The following SCFD2 variants were observed in gnomAD, a reference collection of about 807,000 sequenced individuals.
SCFD2 encodes sec1 family domain-containing protein 2.
SCFD2 carries 54 observed loss-of-function variants against 58.9 expected under a neutral mutation model. The observed-to-expected ratio is 0.92, with a 90% CI of 0.74 to 1.15. The LOEUF (loss-of-function observed/expected upper bound fraction) is 1.15, where lower values mean the gene tolerates loss of function less well. SCFD2 is among the 50% of genes most tolerant of loss of function. SCFD2 has a pLI of 0.00. For missense variants in SCFD2, 805 were observed against 836.6 expected, an observed-to-expected ratio of 0.96 and a Z score of 0.47; for synonymous variants, 321 against 335.9, an observed-to-expected ratio of 0.96 and a Z score of 0.49.
At chr4:52,981,876 T>C (rs957094993) in intron 5 of SCFD2, among the ~76,000 whole-genome samples, 5 of 152,038 alleles carry the variant, frequency 3.3e-5, no homozygotes, top group African/African-American at 4.8e-5. Flanking sequence ...ACTACTACTG[T>C]TGGGAGGAGA....
chr4:53,232,723 G>A (rs1218740184), intron 4 of SCFD2, among the ~76,000 whole-genome samples: 4 of 152,176 alleles, frequency 2.6e-5, no homozygotes, highest in Non-Finnish European at 4.4e-5. Context: ...CCTAAAGTAT[G>A]TCCATCTTTA....
At chr4:53,326,489 T>C (rs1733202039) in intron 2 of SCFD2, among the ~76,000 whole-genome samples, 1 of 152,028 alleles carries the variant, frequency 6.6e-6, no homozygotes, top group African/African-American at 2.4e-5. Context: ...GGATGAGAGC[T>C]TCCTTAACCT....
At chr4:52,982,554 A>G (rs1319626) in intron 5 of SCFD2, among the ~76,000 whole-genome samples, 131,716 of 152,182 alleles carry the variant, frequency 0.87, 57,150 homozygotes, top group Middle Eastern at 0.96. Context: ...ATAATAAACT[A>G]CTTATCAGTA....
chr4:52,965,589 G>C (rs1720945266), intron 5 of SCFD2, among the ~76,000 whole-genome samples: 1 of 152,230 alleles, frequency 6.6e-6, no homozygotes, highest in East Asian at 1.9e-4. Flanking sequence ...AGCTCCCAGA[G>C]GGTGTGGAGC....
At chr4:52,960,196 C>T (rs759655875) in intron 5 of SCFD2, among the ~76,000 whole-genome samples, 1 of 152,044 alleles carries the variant, frequency 6.6e-6, no homozygotes, top group Non-Finnish European at 1.5e-5. Context: ...AACCCACACC[C>T]AGTACCTTAT....
At chr4:52,896,575 A>T (rs1719020528) in intron 7 of SCFD2, among the ~76,000 whole-genome samples, 1 of 152,172 alleles carries the variant, frequency 6.6e-6, no homozygotes, top group African/African-American at 2.4e-5. Context: ...CTTGTAGTAT[A>T]GTTTGAAGTC....
Position 53,313,661 on chromosome 4 carries a change from T to G in SCFD2, c.1110A>C (p.Glu370Asp), listed in dbSNP as rs765062094. ...RRHLVEAASR[E>D]NLPIKMSMGR... ...CCATACTCATCTTGATTGGCAGGTT[T>G]TCTCTGCTTGCCGCTTCCACTAGAT... Residue 370 changes from glutamate (E) to aspartate (D), a missense_variant, in exon 3 of 9, where the codon GAA (glutamate) becomes GAC (aspartate). Physicochemically the swap from Glu to Asp is conservative, Grantham distance 45. This residue lies in a region of SCFD2 where 633 missense variants were observed against 646.8 expected (regional missense o/e 0.98). Coordinates refer to ENST00000401642, the MANE Select transcript of SCFD2 (RefSeq NM_152540.4). 3.1e-6 allele frequency: 5 copies of G among 1,614,032 alleles called. No individual in the cohort carries two copies. Among genetic ancestry groups the G allele is most frequent in the Non-Finnish European group, 3.4e-6 (4 of 1,179,932 alleles).
chr4:53,126,562 C>T (rs1218148289), intron 5 of SCFD2, among the ~76,000 whole-genome samples: 7 of 152,186 alleles, frequency 4.6e-5, no homozygotes, highest in South Asian at 2.1e-4. Context: ...GTGATCTGCC[C>T]GCCTCAGCCT....
At chr4:52,896,823 C>T (rs183668304) in intron 7 of SCFD2, among the ~76,000 whole-genome samples, 185 of 152,232 alleles carry the variant, frequency 1.2e-3, no homozygotes, top group Non-Finnish European at 1.6e-3. Flanking sequence ...TGTTTGTATC[C>T]TCTTTTATTT....
chr4:52,887,287 T>C (rs1217327354), intron 7 of SCFD2, among the ~76,000 whole-genome samples: 1 of 152,190 alleles, frequency 6.6e-6, no homozygotes, highest in African/African-American at 2.4e-5. Context: ...TGAGGGTCCA[T>C]GTTGCATGGA....
intron 5 of SCFD2, among the ~76,000 whole-genome samples, chr4:53,040,312 T>C (rs568906519): frequency 2.3e-4 from 35 of 152,282 alleles, no homozygotes; most frequent in African/African-American, 8.4e-4. Context: ...GACTCAAATG[T>C]CAATTTTCTA....
intron 4 of SCFD2, among the ~76,000 whole-genome samples, chr4:53,198,651 T>A (rs1396976419): frequency 1.3e-5 from 2 of 151,764 alleles, no homozygotes; most frequent in Non-Finnish European, 2.9e-5. Flanking sequence ...ATGTTTTGGT[T>A]TTATGCTGTG....
At chr4:53,327,950 G>A (rs1345494861) in intron 2 of SCFD2, among the ~76,000 whole-genome samples, 1 of 151,934 alleles carries the variant, frequency 6.6e-6, no homozygotes, top group Non-Finnish European at 1.5e-5. Context: ...CTAACACAGT[G>A]AAACCCTGTC....
chr4:53,072,960 T>C (rs1442607102), intron 5 of SCFD2, among the ~76,000 whole-genome samples: 1 of 152,088 alleles, frequency 6.6e-6, no homozygotes, highest in Non-Finnish European at 1.5e-5. Flanking sequence ...CACTTTTATG[T>C]CCTTTGATTA....
At chr4:53,315,377 AG>A (rs1489211221) in intron 2 of SCFD2, among the ~76,000 whole-genome samples, 1 of 152,068 alleles carries the variant, frequency 6.6e-6, no homozygotes, top group Non-Finnish European at 1.5e-5. Context: ...TTGCATGCCA[AG>A]GTGCACGGGG....
intron 4 of SCFD2, among the ~76,000 whole-genome samples, chr4:53,263,537 A>C (rs1209733780): frequency 1.3e-5 from 2 of 152,198 alleles, no homozygotes; most frequent in Non-Finnish European, 2.9e-5. Context: ...CTAGCCAACC[A>C]GTGGAGCTAC....
intron 3 of SCFD2, among the ~76,000 whole-genome samples, chr4:53,280,828 T>C (rs2149076487): frequency 6.6e-6 from 1 of 152,344 alleles, no homozygotes; most frequent in Non-Finnish European, 1.5e-5. Context: ...TCTGGTTTAT[T>C]AGTTCATACA....
At chr4:53,121,000 C>A (rs552980034) in intron 5 of SCFD2, among the ~76,000 whole-genome samples, 2 of 152,218 alleles carry the variant, frequency 1.3e-5, no homozygotes, top group South Asian at 4.1e-4. Flanking sequence ...ACTCAATAGA[C>A]GCTTGCCAAG....
chr4:53,043,831 A>C lies in SCFD2; in HGVS notation c.1561+101502T>G, dbSNP rs529169428. 9.8e-4 allele frequency among the ~76,000 whole-genome samples: 149 copies of C among 152,296 alleles called. 1 individual carries two copies. Among genetic ancestry groups the C allele is most frequent in the African/African-American group, 3.4e-3 (141 of 41,576 alleles). ...TTAAAATAAACACTTACAAACCTTT[A>C]AAAAATAATATATTTCCCAAAGTAT... is the stretch of plus-strand genomic sequence containing the variant. On this transcript the variant is annotated intron_variant, in intron 5 of 8. Transcript: ENST00000401642.
Sources: gnomAD v4.1 joint callset for allele counts (sites outside exome capture counted in the v4.1 genomes callset) on GRCh38, gnomAD v4.1.1 for gene constraint, gnomAD v4.1.1 regional missense constraint, MANE v1.5 for transcripts, NCBI Gene and HGNC (gene_info 2026-07-23, HGNC 2026-07-21) for gene names.